Variants in IMMP2L observed in about 807,000 individuals in gnomAD.
IMMP2L encodes mitochondrial inner membrane protease subunit 2.
A neutral mutation model predicts 19.3 loss-of-function variants in IMMP2L; 18 were observed. That is an observed-to-expected ratio of 0.93 (90% CI 0.64 to 1.38). IMMP2L has a LOEUF of 1.38. Among genes scored for constraint, IMMP2L ranks in the 40% most tolerant of loss-of-function variants. IMMP2L has a pLI of 0.00. For missense variants in IMMP2L, 233 were observed against 218.2 expected (o/e 1.07, Z -0.43); for synonymous variants, 76 against 73.0 (o/e 1.04, Z -0.21).
chr7:110,799,792 C>A (rs957596652), intron 5 of IMMP2L, among the ~76,000 whole-genome samples: 7 of 152,034 alleles, frequency 4.6e-5, no homozygotes, highest in African/African-American at 1.7e-4. Flanking sequence ...GATTCACTGG[C>A]AATATCGATG....
At chr7:111,287,381 G>A (rs1397835584) in intron 3 of IMMP2L, among the ~76,000 whole-genome samples, 1 of 151,992 alleles carries the variant, frequency 6.6e-6, no homozygotes, top group Non-Finnish European at 1.5e-5. Flanking sequence ...TTTTGACTGT[G>A]GTATTAAGCA....
intron 3 of IMMP2L, among the ~76,000 whole-genome samples, chr7:111,275,523 C>A (rs545323611): frequency 6.6e-6 from 1 of 152,238 alleles, no homozygotes; most frequent in South Asian, 2.1e-4. Flanking sequence ...TGTAATAATA[C>A]AAAATTCACT....
intron 3 of IMMP2L, among the ~76,000 whole-genome samples, chr7:111,107,197 T>C (rs749089628): frequency 6.6e-6 from 1 of 151,850 alleles, no homozygotes; most frequent in Non-Finnish European, 1.5e-5. Context: ...TTCCCTCCCT[T>C]CTTCCTTCTC....
chr7:110,772,473 G>A (rs948141009), intron 5 of IMMP2L, among the ~76,000 whole-genome samples: 2 of 152,048 alleles, frequency 1.3e-5, no homozygotes, highest in African/African-American at 4.8e-5. Flanking sequence ...GGACTCTGTC[G>A]TATCATAGCT....
At chr7:110,886,724 T>C in intron 4 of IMMP2L, 29 bp from the exon 5 acceptor site, 1 of 1,098,176 alleles carries the variant, frequency 9.1e-7, no homozygotes, top group Middle Eastern at 2.0e-4. Context: ...ACCACTGAGA[T>C]ATGAGTAGAA....
chr7:111,210,522 T>C (rs1290647794), intron 3 of IMMP2L, among the ~76,000 whole-genome samples: 1 of 152,198 alleles, frequency 6.6e-6, no homozygotes, highest in East Asian at 1.9e-4. Flanking sequence ...CCAATTAATG[T>C]ATCTTCTCAC....
intron 5 of IMMP2L, among the ~76,000 whole-genome samples, chr7:110,859,330 T>C (rs143948097): frequency 0.01 from 1,524 of 152,150 alleles, 38 homozygotes; most frequent in African/African-American, 0.035. Flanking sequence ...TTTGGCCATA[T>C]CAGAAAACCT....
intron 3 of IMMP2L, among the ~76,000 whole-genome samples, chr7:111,242,464 G>A (rs951380069): frequency 1.3e-5 from 2 of 152,000 alleles, no homozygotes; most frequent in Non-Finnish European, 2.9e-5. Flanking sequence ...AACACTTCAC[G>A]ATCCAGGGGC....
At chr7:111,086,283 A>G (rs1210401179) in intron 3 of IMMP2L, among the ~76,000 whole-genome samples, 2 of 151,556 alleles carry the variant, frequency 1.3e-5, no homozygotes, top group Non-Finnish European at 2.9e-5. Context: ...AAAAAAGAAA[A>G]AGAAAAATCA....
At chr7:110,883,540 AGTTTCTGCCTCTGAATTATTCAGTTAT>A (rs1265329716) in intron 5 of IMMP2L, among the ~76,000 whole-genome samples, 2 of 152,168 alleles carry the variant, frequency 1.3e-5, no homozygotes, top group South Asian at 4.1e-4. Flanking sequence ...TATCATAAAT[AGTTTCTGCCTCTGAATTATTCAGTTAT>A]GTTTCATATT....
At chr7:111,146,543 G>A (rs1161223646) in intron 3 of IMMP2L, among the ~76,000 whole-genome samples, 1 of 151,952 alleles carries the variant, frequency 6.6e-6, no homozygotes, top group Non-Finnish European at 1.5e-5. Context: ...CATCTTAGAA[G>A]TGCATTTCCA....
At chr7:110,953,879 A>G (rs942135334) in intron 4 of IMMP2L, among the ~76,000 whole-genome samples, 1 of 152,102 alleles carries the variant, frequency 6.6e-6, no homozygotes, top group African/African-American at 2.4e-5. Context: ...GTGAGATGGT[A>G]TCTCATTGTG....
At chr7:110,672,560 C>A (rs1332416808) in intron 5 of IMMP2L, among the ~76,000 whole-genome samples, 1 of 152,174 alleles carries the variant, frequency 6.6e-6, no homozygotes, top group East Asian at 1.9e-4. Context: ...TGAGACAAGG[C>A]AAGTCCCTTC....
At chr7:111,337,273 G>T (rs956555719) in intron 3 of IMMP2L, among the ~76,000 whole-genome samples, 1 of 151,946 alleles carries the variant, frequency 6.6e-6, no homozygotes, top group African/African-American at 2.4e-5. Context: ...AACACAAATA[G>T]ATATTGATTT....
In IMMP2L at chr7:111,521,458, A is replaced by C. The variant is rs1671193016; in HGVS notation, c.-2-9T>G. 2.5e-6 allele frequency: 4 copies of C among 1,587,572 alleles called. No homozygotes were observed. Among genetic ancestry groups the C allele is most frequent in the Non-Finnish European group, 8.6e-7 (1 of 1,169,324 alleles). Reference sequence around the variant, plus strand: ...TTGTGACTGTGCCATACCTAAAAATACAAAGAAAACAACTATGAAATTAGT... The same window carrying C: ...TTGTGACTGTGCCATACCTAAAAATCCAAAGAAAACAACTATGAAATTAGT... On this transcript the variant is annotated splice_polypyrimidine_tract_variant and intron_variant, in intron 1 of 5. Transcript: ENST00000405709.
chr7:111,090,749 C>CG (rs1796773696), intron 3 of IMMP2L, among the ~76,000 whole-genome samples: 2 of 152,106 alleles, frequency 1.3e-5, no homozygotes, highest in African/African-American at 4.8e-5. Context: ...ACTTCAGAGA[C>CG]GGAGTTGGAG....
At chr7:111,110,382 G>C (rs1292118508) in intron 3 of IMMP2L, among the ~76,000 whole-genome samples, 1 of 151,966 alleles carries the variant, frequency 6.6e-6, no homozygotes, top group Non-Finnish European at 1.5e-5. Context: ...CATATATTTA[G>C]AATAGCTTTT....
At chr7:110,935,483 G>A (rs1255913309) in intron 4 of IMMP2L, among the ~76,000 whole-genome samples, 1 of 151,998 alleles carries the variant, frequency 6.6e-6, no homozygotes, top group Non-Finnish European at 1.5e-5. Context: ...TCTTGGAGTT[G>A]CTCTTCTCGA....
chr7:110,782,164 A>G (rs957158743), intron 5 of IMMP2L, among the ~76,000 whole-genome samples: 2 of 151,894 alleles, frequency 1.3e-5, no homozygotes, highest in African/African-American at 4.8e-5. Context: ...ATTTAAATCC[A>G]GATGTACACA....
Sources: allele counts gnomAD v4.1 joint callset (sites outside exome capture counted in the v4.1 genomes callset), GRCh38; gene constraint gnomAD v4.1.1; transcripts MANE v1.5; gene names NCBI Gene and HGNC (gene_info 2026-07-23, HGNC 2026-07-21).